The following BRINP1 variants were observed in gnomAD, a reference collection of about 807,000 sequenced individuals.
BRINP1 encodes the protein BMP/retinoic acid inducible neural specific 1.
A neutral mutation model predicts 72.9 loss-of-function variants in BRINP1; 17 were observed. The observed-to-expected ratio is 0.23, with a 90% CI of 0.16 to 0.35. The LOEUF (loss-of-function observed/expected upper bound fraction) is 0.35. Ranked by LOEUF, BRINP1 falls within the 10% of genes least tolerant of loss-of-function variation. BRINP1 has a pLI of 1.00. For synonymous variants in BRINP1, 418 were observed against 378.5 expected (o/e 1.10, Z -1.21); for missense variants, 850 against 1,001.6 (o/e 0.85, Z 2.04).
In BRINP1 at chr9:119,190,146, T is replaced by C. The variant is rs115991687; in HGVS notation, c.1145+18573A>G. On this transcript the variant is annotated intron_variant, in intron 7 of 7. Coordinates refer to ENST00000265922, the MANE Select transcript of BRINP1 (RefSeq NM_014618.3). ...CAAATAACAGTAGAAACATGACATATGAAAACCTATAGGATGCATCAAAAG... is the reference window on the plus strand; with the variant it reads ...CAAATAACAGTAGAAACATGACATACGAAAACCTATAGGATGCATCAAAAG... Among the ~76,000 whole-genome samples the C allele has an allele frequency of 4.2e-3, 635 of 151,770 alleles. 6 individuals carry two copies. Among genetic ancestry groups the C allele is most frequent in the African/African-American group, 0.015 (602 of 41,448 alleles).
chr9:119,259,774 G>C (rs1830480485), intron 2 of BRINP1, among the ~76,000 whole-genome samples: 2 of 152,180 alleles, frequency 1.3e-5, no homozygotes, highest in African/African-American at 4.8e-5. Context: ...TGAAAGAGGA[G>C]ATAATTCTCT....
chr9:119,218,681 C>T (rs936355197), intron 5 of BRINP1, among the ~76,000 whole-genome samples: 4 of 151,802 alleles, frequency 2.6e-5, no homozygotes, highest in Admixed American at 1.3e-4. Flanking sequence ...TGGCTTACAA[C>T]CCCTGTGGTG....
intron 2 of BRINP1, among the ~76,000 whole-genome samples, chr9:119,266,096 G>T (rs1235276341): frequency 6.6e-6 from 1 of 152,174 alleles, no homozygotes; most frequent in Admixed American, 6.5e-5. Flanking sequence ...GTCAGACATG[G>T]TAAGTCTCAT....
chr9:119,357,969 C>T (rs1831585881), intron 1 of BRINP1, among the ~76,000 whole-genome samples: 1 of 152,188 alleles, frequency 6.6e-6, no homozygotes, highest in South Asian at 2.1e-4. Context: ...ACAGAACATA[C>T]ACTTGCTGAT....
chr9:119,245,208 CACACAT>C (rs1376662909), intron 3 of BRINP1, among the ~76,000 whole-genome samples: 14 of 127,254 alleles, frequency 1.1e-4, no homozygotes, highest in East Asian at 3.4e-4. Flanking sequence ...CACACACACA[CACACAT>C]ATACATGTTG....
chr9:119,192,815 A>T (rs1376121651), intron 7 of BRINP1, among the ~76,000 whole-genome samples: 1 of 152,124 alleles, frequency 6.6e-6, no homozygotes, highest in Non-Finnish European at 1.5e-5. Flanking sequence ...CTGCAATATT[A>T]TTCACAATAG....
intron 7 of BRINP1, among the ~76,000 whole-genome samples, chr9:119,200,154 G>A (rs373833997): frequency 5.9e-5 from 9 of 152,122 alleles, no homozygotes; most frequent in African/African-American, 2.2e-4. Flanking sequence ...TGGCATATTC[G>A]GAGAAGCAAA....
At chr9:119,237,288 C>T (rs1169693169) in intron 5 of BRINP1, among the ~76,000 whole-genome samples, 3 of 151,818 alleles carry the variant, frequency 2.0e-5, no homozygotes, top group Non-Finnish European at 4.4e-5. Context: ...AATACATCAT[C>T]GGTAACCTAG....
At chr9:119,299,798 C>CT (rs1830921812) in intron 2 of BRINP1, among the ~76,000 whole-genome samples, 1 of 152,104 alleles carries the variant, frequency 6.6e-6, no homozygotes, top group Non-Finnish European at 1.5e-5. Flanking sequence ...CATATGTCCA[C>CT]TGATGGACTC....
intron 7 of BRINP1, among the ~76,000 whole-genome samples, chr9:119,169,391 C>T (rs535148713): frequency 6.7e-6 from 1 of 148,934 alleles, no homozygotes; most frequent in South Asian, 2.1e-4. Flanking sequence ...AAAATCGGGT[C>T]ACTCCCCCAC....
In BRINP1 at chr9:119,173,276, C is replaced by T. The variant is rs1297991048; in HGVS notation, c.1146-5052G>A. ...ATCTCCTTAAGCTGATAAGCAACTT[C>T]AGCAAAGTCTCAGGATACAAAATCA... On this transcript the variant is annotated intron_variant, in intron 7 of 7. Transcript: ENST00000265922. Among the ~76,000 whole-genome samples the T allele has an allele frequency of 3.3e-5, 5 of 150,804 alleles. No individual in the cohort carries two copies. The South Asian group carries it at 6.4e-4, about 19-fold the overall frequency.
chr9:119,235,511 G>A (rs575911472), intron 5 of BRINP1, among the ~76,000 whole-genome samples: 13 of 151,970 alleles, frequency 8.6e-5, no homozygotes, highest in South Asian at 2.1e-4. Flanking sequence ...ATGCTATCTC[G>A]TGCCATATAA....
chr9:119,352,627 C>T (rs1331464204), intron 1 of BRINP1, among the ~76,000 whole-genome samples: 2 of 152,128 alleles, frequency 1.3e-5, no homozygotes, highest in Non-Finnish European at 2.9e-5. Flanking sequence ...AGGCTGATCT[C>T]GAACTCCTGA....
chr9:119,335,155 A>G (rs775284968), intron 1 of BRINP1, among the ~76,000 whole-genome samples: 46 of 152,204 alleles, frequency 3.0e-4, no homozygotes, highest in Non-Finnish European at 2.9e-4. Context: ...GATAATTTAC[A>G]GAAATCCCAG....
intron 1 of BRINP1, among the ~76,000 whole-genome samples, chr9:119,355,532 T>A (rs1037645865): frequency 6.6e-6 from 1 of 151,978 alleles, no homozygotes; most frequent in Non-Finnish European, 1.5e-5. Context: ...ATTGAGACCA[T>A]CCTGGCTAAC....
Position 119,242,097 on chromosome 9 carries a change from C to A in BRINP1, c.529G>T (p.Gly177Cys), listed in dbSNP as rs1198645746. The change falls in exon 4 of 8, where the codon GGT (glycine) becomes TGT (cysteine). Residue 177 changes from glycine to cysteine, a missense_variant. Coordinates refer to ENST00000265922, the MANE Select transcript of BRINP1 (RefSeq NM_014618.3). ...ATCTCATGAAGCCTCCTCATGGTAC[C>A]ATCACGGTCAACAAAGTAGGATGAT... is the stretch of plus-strand genomic sequence containing the variant. Reference protein sequence around the residue: ...LASSYFVDRDGTMRRLHEIQI... With the variant: ...LASSYFVDRDCTMRRLHEIQI... 6.2e-7 allele frequency: 1 copy of A among 1,614,120 alleles called. No homozygotes were observed. The highest frequency in any genetic ancestry group is 1.1e-5 in the South Asian group (1 of 91,066).
intron 7 of BRINP1, among the ~76,000 whole-genome samples, chr9:119,187,676 C>A (rs1218487866): frequency 6.6e-6 from 1 of 151,952 alleles, no homozygotes; most frequent in Non-Finnish European, 1.5e-5. Context: ...AACATGACAC[C>A]ACCAAAAGAA....
chr9:119,229,752 T>C (rs980176314), intron 5 of BRINP1, among the ~76,000 whole-genome samples: 1 of 152,038 alleles, frequency 6.6e-6, no homozygotes, highest in Non-Finnish European at 1.5e-5. Context: ...GAAATGGTCA[T>C]TAGGTTGAAC....
At chr9:119,344,570 C>T (rs1831433079) in intron 1 of BRINP1, among the ~76,000 whole-genome samples, 1 of 152,154 alleles carries the variant, frequency 6.6e-6, no homozygotes. Flanking sequence ...AAGGAACAGC[C>T]CTTCCATACA....
Sources: gnomAD v4.1 joint callset for allele counts (sites outside exome capture counted in the v4.1 genomes callset) on GRCh38, gnomAD v4.1.1 for gene constraint, MANE v1.5 for transcripts, NCBI Gene and HGNC (gene_info 2026-07-23, HGNC 2026-07-21) for gene names.